ZNF727: variants seen among roughly 807,000 people sequenced by gnomAD.
The protein encoded by ZNF727 is putative zinc finger protein 727.
A neutral mutation model predicts 11.5 loss-of-function variants in ZNF727; 11 were observed. That is an observed-to-expected ratio of 0.95 (90% CI 0.60 to 1.58). The LOEUF (loss-of-function observed/expected upper bound fraction) is 1.58, where lower values mean the gene tolerates loss of function less well. ZNF727 is among the 40% of genes most tolerant of loss of function. ZNF727 has a pLI of 0.00. For synonymous variants in ZNF727, 171 were observed against 196.1 expected (o/e 0.87, Z 1.07); for missense variants, 533 against 581.7 (o/e 0.92, Z 0.86).
Position 64,077,366 on chromosome 7 carries a change from G to C in ZNF727, c.317G>C (p.Cys106Ser), listed in dbSNP as rs1398401297. 4.6e-5 allele frequency: 72 copies of C among 1,551,340 alleles called. No homozygotes were observed. Among genetic ancestry groups the C allele is most frequent in the Non-Finnish European group, 6.1e-5 (70 of 1,146,922 alleles). ...GTGATCCTGAGAAAATCTGGAAGCT[G>C]TGACCTTAATACTTTACGTTTAAAG... ...QKVILRKSGS[C>S]DLNTLRLKKD... The change falls in exon 4 of 4, where the codon TGT (cysteine) becomes TCT (serine). Residue 106 changes from cysteine (C) to serine (S), a missense_variant. Cys to Ser is a moderately radical substitution (Grantham distance 112). This residue lies in a region of ZNF727 where 463 missense variants were observed against 494.5 expected (regional missense o/e 0.94). Transcript: ENST00000456806.
chr7:64,073,220 T>G (rs1326253613), intron 3 of ZNF727, among the ~76,000 whole-genome samples: 2 of 151,986 alleles, frequency 1.3e-5, no homozygotes, highest in Admixed American at 6.6e-5. Flanking sequence ...GCATTCTTCT[T>G]CAAAGACTGC....
At chr7:64,067,577 G>A (rs1318263053) in intron 1 of ZNF727, among the ~76,000 whole-genome samples, 1 of 152,170 alleles carries the variant, frequency 6.6e-6, no homozygotes, top group African/African-American at 2.4e-5. Flanking sequence ...ATGAGTTCAT[G>A]TTCTTTGCTG....
intron 3 of ZNF727, among the ~76,000 whole-genome samples, chr7:64,069,815 A>G (rs1789931945): frequency 6.6e-6 from 1 of 151,966 alleles, no homozygotes; most frequent in African/African-American, 2.4e-5. Flanking sequence ...CCCTTCAGTA[A>G]TGTGTGTTGT....
At chr7:64,048,302 T>C (rs969646745) in intron 1 of ZNF727, among the ~76,000 whole-genome samples, 1 of 152,202 alleles carries the variant, frequency 6.6e-6, no homozygotes, top group African/African-American at 2.4e-5. Flanking sequence ...GCACAGTGAA[T>C]GTAGTAAGAT....
Position 64,079,144 on chromosome 7 carries a change from T to C in ZNF727, c.*595T>C, listed in dbSNP as rs11772251. 0.65 allele frequency among the ~76,000 whole-genome samples: 98,567 copies of C among 151,940 alleles called. 32,375 individuals are homozygous for C. The highest frequency in any genetic ancestry group is 0.72 in the Admixed American group (11,074 of 15,276). On this transcript the variant is annotated 3_prime_UTR_variant, in exon 4 of 4. Coordinates refer to ENST00000456806, the MANE Select transcript of ZNF727 (RefSeq NM_001159522.3). ...CTAATCATAAGAGAATTCACCCTGGTGAGAAACCCTACAAATGTGAAGAAT... is the reference window on the plus strand; with the variant it reads ...CTAATCATAAGAGAATTCACCCTGGCGAGAAACCCTACAAATGTGAAGAAT...
intron 1 of ZNF727, among the ~76,000 whole-genome samples, chr7:64,063,324 A>G (rs1328095707): frequency 2.6e-5 from 4 of 152,186 alleles, no homozygotes; most frequent in Admixed American, 2.0e-4. Flanking sequence ...TTGCAGTCAT[A>G]TCTGCATTAG....
chr7:64,056,238 G>A (rs1789684352), intron 1 of ZNF727, among the ~76,000 whole-genome samples: 4 of 152,130 alleles, frequency 2.6e-5, no homozygotes, highest in Admixed American at 2.6e-4. Flanking sequence ...TCTAAAAGTA[G>A]AAATTATGTT....
chr7:64,077,773 G>C lies in ZNF727; in HGVS notation c.724G>C (p.Ala242Pro). 1 of 1,576,478 alleles carries C rather than the reference G, an allele frequency of 6.3e-7. No homozygotes were observed. The highest frequency in any genetic ancestry group is 1.2e-5 in the South Asian group (1 of 86,802). Residue 242 changes from alanine to proline, a missense_variant, in exon 4 of 4, where the codon GCC becomes CCC. Ala to Pro is a conservative substitution (Grantham distance 27). Around this residue, in one of 3 missense-constraint regions of ZNF727, gnomAD observed 463 missense variants for 494.5 expected, o/e 0.94. Coordinates refer to ENST00000456806, the MANE Select transcript of ZNF727 (RefSeq NM_001159522.3). ...TGGCAAAACATTTACCTGTTCCTCA[G>C]CCCTTACTAAACACAAGAGAAATCA... ...ECGKTFTCSS[A>P]LTKHKRNHTG... is the part of the protein sequence containing the mutation.
chr7:64,068,568 A>AAGTTTCC (rs1486505040), intron 1 of ZNF727, among the ~76,000 whole-genome samples: 1 of 152,132 alleles, frequency 6.6e-6, no homozygotes, highest in Non-Finnish European at 1.5e-5. Flanking sequence ...ACTCACCATG[A>AAGTTTCC]AGTTTCCATG....
intron 1 of ZNF727, among the ~76,000 whole-genome samples, chr7:64,061,051 T>C (rs1789762479): frequency 6.6e-6 from 1 of 152,178 alleles, no homozygotes; most frequent in African/African-American, 2.4e-5. Context: ...ATAATTTTAT[T>C]TGGGGAGAGC....
chr7:64,082,377 ACCT>A lies in ZNF727; in HGVS notation c.*3830_*3832del, dbSNP rs1157121022. On this transcript the variant is annotated 3_prime_UTR_variant, in exon 4 of 4. Coordinates refer to ENST00000456806, the MANE Select transcript of ZNF727 (RefSeq NM_001159522.3). The stretch of plus-strand genomic sequence containing the variant: ...TGGGTGTCCACTGCAGTTTCTAGTC[ACCT>A]CAGATTTTCCAGTACCTGACAACAT... Among the ~76,000 whole-genome samples, 3 of 152,044 alleles carry A rather than the reference ACCT, an allele frequency of 2.0e-5. No individual in the cohort carries two copies. The highest frequency in any genetic ancestry group is 7.2e-5 in the African/African-American group (3 of 41,430).
rs1385367338 is a variant in ZNF727, at chr7:64,079,198, C to T, written c.*649C>T. Among the ~76,000 whole-genome samples, 6 of 152,170 alleles carry T rather than the reference C, an allele frequency of 3.9e-5. No homozygotes were observed. The highest frequency in any genetic ancestry group is 1.2e-4 in the African/African-American group (5 of 41,440). The stretch of plus-strand genomic sequence containing the variant: ...GCAAAGTATTGAGCTCGTTCTCACA[C>T]GTCATTAGACATAAGACAATTCATA... On this transcript the variant is annotated 3_prime_UTR_variant, in exon 4 of 4. Coordinates refer to ENST00000456806, the MANE Select transcript of ZNF727 (RefSeq NM_001159522.3).
chr7:64,059,199 T>C (rs997376644), intron 1 of ZNF727, among the ~76,000 whole-genome samples: 1 of 152,088 alleles, frequency 6.6e-6, no homozygotes, highest in African/African-American at 2.4e-5. Flanking sequence ...TGCCTCAGTC[T>C]CCCAAAGTGC....
intron 3 of ZNF727, 40 bp from the exon 4 acceptor site, chr7:64,077,236 T>C (rs1331914920): frequency 6.8e-7 from 1 of 1,470,762 alleles, no homozygotes; most frequent in Non-Finnish European, 9.0e-7. Flanking sequence ...CACCTAAGTC[T>C]GATGAGGGAG....
chr7:64,062,429 C>A (rs1353992848), intron 1 of ZNF727, among the ~76,000 whole-genome samples: 8 of 151,442 alleles, frequency 5.3e-5, no homozygotes, highest in Non-Finnish European at 1.2e-4. Context: ...GATATTTTTG[C>A]TGGATGTATT....
At chr7:64,049,136 T>G (rs1197458724) in intron 1 of ZNF727, among the ~76,000 whole-genome samples, 1 of 152,156 alleles carries the variant, frequency 6.6e-6, no homozygotes, top group Non-Finnish European at 1.5e-5. Flanking sequence ...ATTCTTGTAT[T>G]ATTATATTAT....
At chr7:64,058,618 T>A (rs946170419) in intron 1 of ZNF727, among the ~76,000 whole-genome samples, 11 of 152,206 alleles carry the variant, frequency 7.2e-5, no homozygotes, top group African/African-American at 2.7e-4. Context: ...AGCCACCATC[T>A]GTGTAGCACA....
intron 1 of ZNF727, among the ~76,000 whole-genome samples, chr7:64,062,371 G>A (rs1183278335): frequency 6.6e-6 from 1 of 151,596 alleles, no homozygotes; most frequent in Non-Finnish European, 1.5e-5. Flanking sequence ...ACAGGTCTGG[G>A]GGTGTTAATA....
intron 1 of ZNF727, among the ~76,000 whole-genome samples, chr7:64,067,163 C>T (rs1393339514): frequency 6.6e-6 from 1 of 152,060 alleles, no homozygotes; most frequent in East Asian, 1.9e-4. Context: ...CATCACTGAT[C>T]ATTAGAGAAA....
Sources: allele counts gnomAD v4.1 joint callset (sites outside exome capture counted in the v4.1 genomes callset), GRCh38; gene constraint gnomAD v4.1.1; regional missense constraint gnomAD v4.1.1; transcripts MANE v1.5; gene names NCBI Gene and HGNC (gene_info 2026-07-23, HGNC 2026-07-21).